The following WASL variants were observed in gnomAD, a reference collection of about 807,000 sequenced individuals.
WASL encodes actin nucleation-promoting factor WASL.
Under a neutral mutation model 55.5 loss-of-function variants are expected in WASL, and 20 were observed. The observed-to-expected ratio is 0.36, with a 90% CI of 0.25 to 0.52. WASL has a LOEUF of 0.52. Ranked by LOEUF, WASL falls within the 20% of genes least tolerant of loss-of-function variation. The pLI, the probability that WASL is intolerant of heterozygous loss-of-function variation, is 0.92. For missense variants in WASL, 504 were observed against 622.5 expected, an observed-to-expected ratio of 0.81 and a Z score of 2.03; for synonymous variants, 249 against 217.6, an observed-to-expected ratio of 1.14 and a Z score of -1.27.
At chr7:123,696,552 A>G in intron 6 of WASL, 27 bp downstream of exon 6, 1 of 1,524,994 alleles carries the variant, frequency 6.6e-7, no homozygotes, top group South Asian at 1.4e-5. Context: ...AAAAGTGAAG[A>G]TAAGAACAAC....
chr7:123,695,931 A>G, intron 6 of WASL, 66 bp from the exon 7 acceptor site: 23 of 1,489,622 alleles, frequency 1.5e-5, no homozygotes, highest in Non-Finnish European at 2.1e-5. Context: ...AACACAATAT[A>G]TATGAAACCC....
At chr7:123,697,487 A>G (rs1803512097) in intron 5 of WASL, among the ~76,000 whole-genome samples, 1 of 152,222 alleles carries the variant, frequency 6.6e-6, no homozygotes, top group African/African-American at 2.4e-5. Flanking sequence ...AAAAGTATGA[A>G]AGTCTGAATG....
At chr7:123,726,719 A>G (rs1180220466) in intron 1 of WASL, among the ~76,000 whole-genome samples, 1 of 152,164 alleles carries the variant, frequency 6.6e-6, no homozygotes, top group Non-Finnish European at 1.5e-5. Flanking sequence ...TAGATAAATT[A>G]GCTGAGTGTG....
intron 5 of WASL, among the ~76,000 whole-genome samples, chr7:123,697,144 T>C (rs575128194): frequency 5.8e-4 from 88 of 152,278 alleles, no homozygotes; most frequent in Non-Finnish European, 9.1e-4. Flanking sequence ...ATTTTTGTTT[T>C]AAATTTAACA....
intron 1 of WASL, among the ~76,000 whole-genome samples, chr7:123,728,530 A>G (rs1804088132): frequency 6.6e-6 from 1 of 152,172 alleles, no homozygotes; most frequent in African/African-American, 2.4e-5. Context: ...TCTACTGACA[A>G]GAAACAAGGT....
intron 1 of WASL, among the ~76,000 whole-genome samples, chr7:123,709,605 A>G (rs146772696): frequency 3.1e-4 from 47 of 152,354 alleles, no homozygotes; most frequent in African/African-American, 1.1e-3. Context: ...GCTAAATGGC[A>G]GAGCTGAAAT....
intron 1 of WASL, among the ~76,000 whole-genome samples, chr7:123,741,682 G>A (rs919297641): frequency 2.6e-5 from 4 of 152,050 alleles, no homozygotes; most frequent in Admixed American, 6.6e-5. Context: ...ATAGAATATG[G>A]ACAAAAGTGA....
At chr7:123,724,318 C>T (rs10261566) in intron 1 of WASL, among the ~76,000 whole-genome samples, 3,207 of 152,272 alleles carry the variant, frequency 0.021, 114 homozygotes, top group African/African-American at 0.073. Flanking sequence ...CCAAACATAT[C>T]ATACTTCTCA....
intron 1 of WASL, among the ~76,000 whole-genome samples, chr7:123,724,276 T>C (rs1046042449): frequency 6.6e-6 from 1 of 152,134 alleles, no homozygotes; most frequent in Non-Finnish European, 1.5e-5. Context: ...CCAATATATA[T>C]CAGAGATAGC....
rs760295887 is a variant in WASL, at chr7:123,709,196, A to G, written c.145T>C (p.Tyr49His). 6.2e-6 allele frequency: 10 copies of G among 1,611,044 alleles called. No individual in the cohort carries two copies. The highest frequency in any genetic ancestry group is 8.5e-6 in the Non-Finnish European group (10 of 1,178,310). Residue 49 changes from tyrosine to histidine, a missense_variant, in exon 2 of 11, where the codon TAT becomes CAT. Tyr to His is a moderately conservative substitution (Grantham distance 83). Coordinates refer to ENST00000223023, the MANE Select transcript of WASL (RefSeq NM_003941.4). ...VTMSSAVVQLYAADRNCMWSK... is the reference protein window; with the variant it reads ...VTMSSAVVQLHAADRNCMWSK... Reference sequence around the variant, plus strand: ...CACATACAGTTCCGATCTGCTGCATATAACTGCACCACTGCTGAAGACATA... The same window carrying G: ...CACATACAGTTCCGATCTGCTGCATGTAACTGCACCACTGCTGAAGACATA...
intron 5 of WASL, among the ~76,000 whole-genome samples, chr7:123,698,908 TCA>T (rs991087537): frequency 2.4e-4 from 36 of 152,314 alleles, no homozygotes; most frequent in Non-Finnish European, 4.9e-4. Flanking sequence ...ACTCAGACCT[TCA>T]CAGACTTATC....
At chr7:123,740,596 T>A (rs1804323523) in intron 1 of WASL, among the ~76,000 whole-genome samples, 1 of 149,660 alleles carries the variant, frequency 6.7e-6, no homozygotes, top group Non-Finnish European at 1.5e-5. Context: ...TCATCATAAC[T>A]TTTTTTTTTG....
chr7:123,699,695 G>C (rs1803547444), intron 5 of WASL, among the ~76,000 whole-genome samples: 2 of 152,196 alleles, frequency 1.3e-5, no homozygotes, highest in Middle Eastern at 3.4e-3. Flanking sequence ...CTGTCTCTGA[G>C]GAAGATTCAA....
intron 1 of WASL, among the ~76,000 whole-genome samples, chr7:123,710,490 A>G (rs1411441609): frequency 6.6e-6 from 1 of 152,034 alleles, no homozygotes; most frequent in African/African-American, 2.4e-5. Context: ...TTTTTTGGTA[A>G]GAGGAATTTC....
At chr7:123,743,099 G>T (rs980432915) in intron 1 of WASL, among the ~76,000 whole-genome samples, 2 of 152,194 alleles carry the variant, frequency 1.3e-5, no homozygotes, top group African/African-American at 4.8e-5. Flanking sequence ...CACTTTGGGA[G>T]GTTGAAGCGG....
At chr7:123,710,561 C>G (rs1803738901) in intron 1 of WASL, among the ~76,000 whole-genome samples, 1 of 152,040 alleles carries the variant, frequency 6.6e-6, no homozygotes, top group African/African-American at 2.4e-5. Context: ...AATGTAAGAT[C>G]AGTATACTGT....
rs746798058 is a variant in WASL, at chr7:123,699,793, C to T, written c.461-3046G>A. 6.6e-5 allele frequency among the ~76,000 whole-genome samples: 10 copies of T among 152,144 alleles called. 1 individual carries two copies. Among genetic ancestry groups the T allele is most frequent in the Non-Finnish European group, 1.3e-4 (9 of 68,016 alleles). On this transcript the variant is annotated intron_variant, in intron 5 of 10. Coordinates refer to ENST00000223023, the MANE Select transcript of WASL (RefSeq NM_003941.4). ...TGTAATCAGACTGTTTCCCCTCTTT[C>T]TCTACCCAAAAATCAGGCATGAATA...
chr7:123,706,272 G>A lies in WASL; in HGVS notation c.436+5C>T. 1.2e-6 allele frequency: 2 copies of A among 1,612,902 alleles called. No individual in the cohort carries two copies. The highest frequency in any genetic ancestry group is 1.7e-6 in the Non-Finnish European group (2 of 1,179,428). Reference sequence around the variant, plus strand: ...GCCTGATTTAAGTAATTAAAAAAGGGTTACCAGATTTCCTTTGTCGACGGC... The same window carrying A: ...GCCTGATTTAAGTAATTAAAAAAGGATTACCAGATTTCCTTTGTCGACGGC... On this transcript the variant is annotated splice_donor_5th_base_variant and intron_variant, in intron 4 of 10. Coordinates refer to ENST00000223023, the MANE Select transcript of WASL (RefSeq NM_003941.4).
intron 1 of WASL, among the ~76,000 whole-genome samples, chr7:123,722,079 C>G (rs1174718830): frequency 6.6e-6 from 1 of 151,930 alleles, no homozygotes; most frequent in African/African-American, 2.4e-5. Flanking sequence ...TGGAGCTGTA[C>G]TGTTTAATAA....
Sources: gnomAD v4.1 joint callset for allele counts (sites outside exome capture counted in the v4.1 genomes callset) on GRCh38, gnomAD v4.1.1 for gene constraint, MANE v1.5 for transcripts, NCBI Gene and HGNC (gene_info 2026-07-23, HGNC 2026-07-21) for gene names.